Variants in MIPOL1 observed in about 807,000 individuals in gnomAD.
MIPOL1 encodes the protein mirror-image polydactyly gene 1 protein.
MIPOL1 carries 57 observed loss-of-function variants against 60.9 expected under a neutral mutation model. The ratio of observed to expected loss-of-function variants is 0.94; its 90% CI spans 0.76 to 1.17. The LOEUF (loss-of-function observed/expected upper bound fraction) is 1.17, where lower values mean the gene tolerates loss of function less well. MIPOL1 is among the 50% of genes most tolerant of loss of function. The probability of loss-of-function intolerance (pLI) is 0.00; values close to 1 mark genes in which losing one functional copy is unlikely to be tolerated. For synonymous variants in MIPOL1, 179 were observed against 168.8 expected (o/e 1.06, Z -0.47); for missense variants, 551 against 511.6 (o/e 1.08, Z -0.74).
chr14:37,223,676 G>GT (rs1448010979), intron 1 of MIPOL1, among the ~76,000 whole-genome samples: 1 of 151,676 alleles, frequency 6.6e-6, no homozygotes, highest in African/African-American at 2.4e-5. Flanking sequence ...CTAATTTTTT[G>GT]TATTTTTAGT....
At chr14:37,242,473 C>T (rs1972508053) in intron 1 of MIPOL1, among the ~76,000 whole-genome samples, 1 of 152,112 alleles carries the variant, frequency 6.6e-6, no homozygotes. Context: ...TTATATCTAA[C>T]TCCTATAATA....
At chr14:37,273,452 A>G (rs535600094) in intron 6 of MIPOL1, among the ~76,000 whole-genome samples, 4 of 151,496 alleles carry the variant, frequency 2.6e-5, no homozygotes, top group East Asian at 3.9e-4. Context: ...TGAAAACCAT[A>G]TGATGGCTGT....
intron 11 of MIPOL1, among the ~76,000 whole-genome samples, chr14:37,496,531 T>C (rs1484788796): frequency 2.0e-4 from 29 of 144,458 alleles, no homozygotes; most frequent in Non-Finnish European, 4.1e-4. Flanking sequence ...AGCCAAATCA[T>C]GAGTGAACTC....
At chr14:37,521,595 A>T (rs1341368602) in intron 12 of MIPOL1, among the ~76,000 whole-genome samples, 1 of 152,010 alleles carries the variant, frequency 6.6e-6, no homozygotes, top group Middle Eastern at 3.2e-3. Context: ...CAACTACCAA[A>T]GAAAAAAATT....
chr14:37,433,828 T>G (rs2094117998), intron 11 of MIPOL1, among the ~76,000 whole-genome samples: 1 of 152,148 alleles, frequency 6.6e-6, no homozygotes, highest in African/African-American at 2.4e-5. Flanking sequence ...AGTGCCAGGA[T>G]TACAGGCATG....
intron 11 of MIPOL1, among the ~76,000 whole-genome samples, chr14:37,455,948 T>C (rs1235678755): frequency 6.6e-6 from 1 of 152,006 alleles, no homozygotes; most frequent in Non-Finnish European, 1.5e-5. Context: ...GGATTTATTA[T>C]ATTTATATGT....
chr14:37,428,321 G>A (rs975499381), intron 11 of MIPOL1, among the ~76,000 whole-genome samples: 14 of 152,202 alleles, frequency 9.2e-5, no homozygotes, highest in Non-Finnish European at 1.3e-4. Flanking sequence ...TAGTGGCCGG[G>A]CATGGTGGCT....
intron 9 of MIPOL1, among the ~76,000 whole-genome samples, chr14:37,332,503 C>T (rs2089785427): frequency 6.6e-6 from 1 of 152,128 alleles, no homozygotes; most frequent in Non-Finnish European, 1.5e-5. Flanking sequence ...TTACCTTTAA[C>T]AACACACAGT....
rs1173993657 is a variant in MIPOL1, at chr14:37,524,565, C to CTTTT, written c.1263-22339_1263-22336dup. 2.9e-4 allele frequency among the ~76,000 whole-genome samples: 36 copies of CTTTT among 124,820 alleles called. 2 individuals are homozygous for CTTTT. The highest frequency in any genetic ancestry group is 1.1e-3 in the African/African-American group (35 of 32,410). 81.9% of individuals were successfully genotyped at this position (124,820 alleles called of 152,430 possible). ...TCTTGACATCTTAATTTTTCTTTTT[C>CTTTT]TTTTCTTTTTTTTTTTTTTTGAGAT... On this transcript the variant is annotated intron_variant, in intron 12 of 12. Transcript: ENST00000684589.
chr14:37,536,170 A>G (rs1261153757), intron 12 of MIPOL1, among the ~76,000 whole-genome samples: 1 of 152,204 alleles, frequency 6.6e-6, no homozygotes, highest in Non-Finnish European at 1.5e-5. Context: ...TTCATACCTG[A>G]TTAGTAATGA....
intron 1 of MIPOL1, among the ~76,000 whole-genome samples, chr14:37,220,291 A>T (rs1293216804): frequency 6.6e-6 from 1 of 152,206 alleles, no homozygotes; most frequent in African/African-American, 2.4e-5. Flanking sequence ...CGTCTCAAAC[A>T]TGTACATATA....
chr14:37,312,027 T>TTTGC (rs1269177406), intron 9 of MIPOL1, among the ~76,000 whole-genome samples: 3 of 151,534 alleles, frequency 2.0e-5, no homozygotes, highest in South Asian at 4.2e-4. Flanking sequence ...TGAATTTGGG[T>TTTGC]TTGTTTTTCT....
chr14:37,254,724 A>G (rs957880436), intron 3 of MIPOL1, among the ~76,000 whole-genome samples: 1 of 151,748 alleles, frequency 6.6e-6, no homozygotes, highest in African/African-American at 2.4e-5. Context: ...AATGTTTTAA[A>G]TCAGTTCACA....
At chr14:37,270,640 C>CATT in intron 6 of MIPOL1, 115 bp downstream of exon 6, 1 of 258,988 alleles carries the variant, frequency 3.9e-6, no homozygotes, top group Non-Finnish European at 6.2e-6. Flanking sequence ...GGGAAGCTCT[C>CATT]CTTTTTTTTT....
chr14:37,369,506 C>T lies in MIPOL1; in HGVS notation c.829-11C>T, dbSNP rs753112683. On this transcript the variant is annotated splice_polypyrimidine_tract_variant and intron_variant, in intron 9 of 12. Transcript: ENST00000684589. ...ACTCCTTTACTTAATGGGATTCTTC[C>T]CCTGTGGCAGTGCAAACGGTTAGAG... The T allele has an allele frequency of 6.9e-6, 11 of 1,600,586 alleles. No homozygotes were observed. In the East Asian group the frequency reaches 2.2e-4, roughly 33 times the overall value.
At chr14:37,433,822 C>T (rs1027857469) in intron 11 of MIPOL1, among the ~76,000 whole-genome samples, 2 of 152,130 alleles carry the variant, frequency 1.3e-5, no homozygotes, top group Non-Finnish European at 2.9e-5. Context: ...TCCCAAAGTG[C>T]CAGGATTACA....
In MIPOL1 at chr14:37,267,037, G is replaced by A. The variant is rs374743171; in HGVS notation, c.119G>A (p.Arg40Gln). The A allele has an allele frequency of 6.8e-6, 11 of 1,613,838 alleles. No homozygotes were observed. In the East Asian group the frequency reaches 8.9e-5, roughly 13 times the overall value. Residue 40 changes from arginine to glutamine, a missense_variant, in exon 4 of 13, where the codon CGG becomes CAG. Transcript: ENST00000684589. The part of the protein sequence containing the change: ...LTMNSEKSMH[R>Q]KSTELVNEIT... ...ATGAATTCTGAGAAAAGTATGCATC[G>A]GAAATCCACTGAATTAGTTAATGAA...
At chr14:37,281,966 G>A (rs550943578) in intron 6 of MIPOL1, among the ~76,000 whole-genome samples, 2 of 152,052 alleles carry the variant, frequency 1.3e-5, no homozygotes, top group African/African-American at 2.4e-5. Context: ...GTTTGTGCAT[G>A]TGTGTTTTCT....
chr14:37,379,135 T>C (rs1323000403), intron 10 of MIPOL1, among the ~76,000 whole-genome samples: 1 of 151,992 alleles, frequency 6.6e-6, no homozygotes, highest in African/African-American at 2.4e-5. Flanking sequence ...TGGAACAGAA[T>C]TGAGAGTCCA....
Sources: gnomAD v4.1 joint callset for allele counts (sites outside exome capture counted in the v4.1 genomes callset) on GRCh38, gnomAD v4.1.1 for gene constraint, MANE v1.5 for transcripts, NCBI Gene and HGNC (gene_info 2026-07-23, HGNC 2026-07-21) for gene names.